The following INSYN2B variants were observed in gnomAD, a reference collection of about 807,000 sequenced individuals.
INSYN2B encodes protein INSYN2B.
Under a neutral mutation model 41.2 loss-of-function variants are expected in INSYN2B, and 16 were observed. The observed-to-expected ratio is 0.39, with a 90% confidence interval of 0.26 to 0.59. The LOEUF is 0.59. Among genes scored for constraint, INSYN2B ranks in the 20% least tolerant of loss-of-function variants. The pLI is 0.57. For missense variants in INSYN2B, 608 were observed against 646.4 expected (o/e 0.94, Z 0.64); for synonymous variants, 245 against 244.4 (o/e 1.00, Z -0.02).
In INSYN2B at chr5:169,911,009, G is replaced by T. The variant is rs556850316; in HGVS notation, c.-918-26193C>A. Among the ~76,000 whole-genome samples, 25 of 152,272 alleles carry T rather than the reference G, an allele frequency of 1.6e-4. No homozygotes were observed. The East Asian group carries it at 2.1e-3, about 13-fold the overall frequency. ...AGTGAAACCCTCAGGTGCCTCCAAGGCCCCAGGAAAAGCATTTCTACCTTT... is the reference window on the plus strand; with the variant it reads ...AGTGAAACCCTCAGGTGCCTCCAAGTCCCCAGGAAAAGCATTTCTACCTTT... On this transcript the variant is annotated intron_variant, in intron 1 of 3. Coordinates refer to ENST00000377365, the MANE Select transcript of INSYN2B (RefSeq NM_001129891.3).
At chr5:169,925,579 TAAAAAAAAAAAAAA>T in intron 1 of INSYN2B, among the ~76,000 whole-genome samples, 1 of 80,286 alleles carries the variant, frequency 1.2e-5, no homozygotes, top group Non-Finnish European at 2.4e-5. Flanking sequence ...GACTCTGTCT[TAAAAAAAAAAAAAA>T]AAAAAAAAAA....
At chr5:169,866,482 G>A (rs72842505) in intron 3 of INSYN2B, among the ~76,000 whole-genome samples, 14,263 of 152,216 alleles carry the variant, frequency 0.094, 827 homozygotes, top group Admixed American at 0.17. Context: ...TATACAACAC[G>A]CAGCATAGAG....
At chr5:169,940,523 A>T (rs988585179) in intron 1 of INSYN2B, among the ~76,000 whole-genome samples, 11 of 152,180 alleles carry the variant, frequency 7.2e-5, no homozygotes, top group African/African-American at 2.7e-4. Context: ...TATACAACTC[A>T]CCTTAATGTA....
intron 1 of INSYN2B, among the ~76,000 whole-genome samples, chr5:169,893,479 CTT>C (rs200833735): frequency 1.5e-4 from 21 of 143,006 alleles, no homozygotes; most frequent in African/African-American, 4.4e-4. Context: ...TTTTCTTACC[CTT>C]TTTTTTTTTT....
At chr5:169,969,394 G>A (rs1157908657) in intron 1 of INSYN2B, among the ~76,000 whole-genome samples, 1 of 151,728 alleles carries the variant, frequency 6.6e-6, no homozygotes, top group African/African-American at 2.4e-5. Flanking sequence ...GCAGTGAGCC[G>A]AGATCACGCC....
chr5:169,972,582 TAG>T (rs1777553395), intron 1 of INSYN2B, among the ~76,000 whole-genome samples: 1 of 61,506 alleles, frequency 1.6e-5, no homozygotes, highest in Non-Finnish European at 3.6e-5. Flanking sequence ...GATAGATAGA[TAG>T]ATGATAGATA....
At chr5:169,895,600 C>T (rs1773551912) in intron 1 of INSYN2B, among the ~76,000 whole-genome samples, 1 of 152,068 alleles carries the variant, frequency 6.6e-6, no homozygotes, top group African/African-American at 2.4e-5. Flanking sequence ...ACCCTGACTC[C>T]AGCCACTGGG....
chr5:169,877,158 T>C (rs1469285935), intron 3 of INSYN2B, among the ~76,000 whole-genome samples: 2 of 152,280 alleles, frequency 1.3e-5, no homozygotes, highest in Admixed American at 6.5e-5. Flanking sequence ...AAGGAACTTA[T>C]GTAAAGGCAC....
chr5:169,957,195 GAATA>G (rs1776905705), intron 1 of INSYN2B, among the ~76,000 whole-genome samples: 1 of 152,186 alleles, frequency 6.6e-6, no homozygotes, highest in African/African-American at 2.4e-5. Flanking sequence ...AAATAATGGT[GAATA>G]AATGAATGAA....
Position 169,914,510 on chromosome 5 carries a change from C to A in INSYN2B, c.-918-29694G>T, listed in dbSNP as rs577024845. On this transcript the variant is annotated intron_variant, in intron 1 of 3. Transcript: ENST00000377365. ...TATTGGAGAACTCTGAACTTGGATT[C>A]AAAAGACCAAGGCTAAATCAGAATG... Among the ~76,000 whole-genome samples the A allele has an allele frequency of 1.8e-4, 28 of 152,314 alleles. No individual in the cohort carries two copies. The South Asian group carries it at 5.4e-3, about 29-fold the overall frequency.
In INSYN2B at chr5:169,883,714, G is replaced by A. The variant is rs1243201613; in HGVS notation, c.185C>T (p.Pro62Leu). 2.1e-5 allele frequency: 33 copies of A among 1,551,356 alleles called. No individual in the cohort carries two copies. Among genetic ancestry groups the A allele is most frequent in the African/African-American group, 5.5e-5 (4 of 73,020 alleles). The change falls in exon 2 of 4, where the codon CCG (proline) becomes CTG (leucine). Residue 62 changes from proline (P) to leucine (L), a missense_variant. Physicochemically the swap from Pro to Leu is moderately conservative, Grantham distance 98. Transcript: ENST00000377365. ...AEVDVQTPED[P>L]AVMGKTQATR... ...TGCTTGAGTCTTCCCCATCACAGCC[G>A]GGTCTTCTGGAGTTTGGACGTCAAC... is the stretch of plus-strand genomic sequence containing the variant.
intron 1 of INSYN2B, among the ~76,000 whole-genome samples, chr5:169,950,156 C>T (rs936100829): frequency 1.3e-5 from 2 of 152,080 alleles, no homozygotes; most frequent in Non-Finnish European, 2.9e-5. Flanking sequence ...TGAGATGAGA[C>T]AGGAGCCATC....
chr5:169,910,686 CT>C (rs1227457924), intron 1 of INSYN2B, among the ~76,000 whole-genome samples: 1 of 152,226 alleles, frequency 6.6e-6, no homozygotes, highest in African/African-American at 2.4e-5. Context: ...TGTTACATCT[CT>C]AGCTACAAGA....
chr5:169,937,312 C>T (rs1291995289), intron 1 of INSYN2B, among the ~76,000 whole-genome samples: 3 of 152,192 alleles, frequency 2.0e-5, no homozygotes, highest in Non-Finnish European at 4.4e-5. Context: ...AGTTTGCCAA[C>T]CCGTAGACTT....
At chr5:169,902,938 A>T (rs953738264) in intron 1 of INSYN2B, among the ~76,000 whole-genome samples, 3 of 152,060 alleles carry the variant, frequency 2.0e-5, no homozygotes, top group African/African-American at 4.8e-5. Context: ...TCTCTACTAA[A>T]AATACAAAAA....
chr5:169,895,084 A>G (rs1344673852), intron 1 of INSYN2B, among the ~76,000 whole-genome samples: 2 of 152,156 alleles, frequency 1.3e-5, no homozygotes, highest in Admixed American at 6.5e-5. Context: ...CTCTGCCTGT[A>G]CAAGCTGTGA....
intron 1 of INSYN2B, among the ~76,000 whole-genome samples, chr5:169,940,352 G>A (rs1350735585): frequency 6.6e-6 from 1 of 152,126 alleles, no homozygotes; most frequent in Non-Finnish European, 1.5e-5. Context: ...CTTGAGTATT[G>A]CTATTGGCAT....
chr5:169,864,801 A>T (rs79132354), intron 3 of INSYN2B, among the ~76,000 whole-genome samples: 4,295 of 152,288 alleles, frequency 0.028, 74 homozygotes, highest in Non-Finnish European at 0.039. Context: ...TCTCATTATT[A>T]AAAAATTGAG....
intron 1 of INSYN2B, among the ~76,000 whole-genome samples, chr5:169,950,715 C>A (rs1056047877): frequency 3.3e-5 from 5 of 152,208 alleles, no homozygotes; most frequent in Non-Finnish European, 5.9e-5. Context: ...CTGGTAACAG[C>A]CACATTCTTT....
Sources: allele counts gnomAD v4.1 joint callset (sites outside exome capture counted in the v4.1 genomes callset), GRCh38; gene constraint gnomAD v4.1.1; transcripts MANE v1.5; gene names NCBI Gene and HGNC (gene_info 2026-07-23, HGNC 2026-07-21).